NSF: variants seen among roughly 807,000 people sequenced by gnomAD.
NSF encodes the protein vesicle-fusing ATPase.
A neutral mutation model predicts 50.3 loss-of-function variants in NSF; 14 were observed. The observed-to-expected ratio is 0.28, with a 90% CI of 0.18 to 0.44. The LOEUF (loss-of-function observed/expected upper bound fraction) is 0.44, where lower values mean the gene tolerates loss of function less well. Among genes scored for constraint, NSF ranks in the 20% least tolerant of loss-of-function variants. The pLI, the probability that NSF is intolerant of heterozygous loss-of-function variation, is 1.00. For synonymous variants in NSF, 109 were observed against 175.7 expected, an observed-to-expected ratio of 0.62 and a Z score of 3.00; for missense variants, 218 against 504.3, an observed-to-expected ratio of 0.43 and a Z score of 5.44.
At chr17:46,708,749 C>T (rs2058683721) in intron 13 of NSF, among the ~76,000 whole-genome samples, 1 of 148,546 alleles carries the variant, frequency 6.7e-6, no homozygotes, top group African/African-American at 2.5e-5. Flanking sequence ...CTACCTCAGC[C>T]TCCCAGTGTG....
At chr17:46,655,949 A>G (rs1474261214) in intron 8 of NSF, among the ~76,000 whole-genome samples, 1 of 103,800 alleles carries the variant, frequency 9.6e-6, no homozygotes, top group Non-Finnish European at 1.8e-5. Context: ...AACTTATAAT[A>G]TTTTAGCAAC....
At chr17:46,708,820 A>ATT (rs1432167576) in intron 13 of NSF, among the ~76,000 whole-genome samples, 14 of 98,550 alleles carry the variant, frequency 1.4e-4, no homozygotes, top group African/African-American at 5.0e-4. Flanking sequence ...ATATATATAT[A>ATT]TATTTTTTTT....
intron 16 of NSF, among the ~76,000 whole-genome samples, chr17:46,728,471 T>G (rs1432350523): frequency 6.6e-6 from 1 of 151,944 alleles, no homozygotes; most frequent in Non-Finnish European, 1.5e-5. Flanking sequence ...TTCAAAAAAT[T>G]TATAGAGCCG....
chr17:46,709,711 T>C (rs2058699430), intron 13 of NSF, among the ~76,000 whole-genome samples: 1 of 152,044 alleles, frequency 6.6e-6, no homozygotes, highest in Admixed American at 6.5e-5. Flanking sequence ...GCCAGGTTGG[T>C]CTGGAACTCC....
chr17:46,712,469 C>T (rs1244805893), intron 14 of NSF, among the ~76,000 whole-genome samples: 2 of 151,972 alleles, frequency 1.3e-5, no homozygotes, highest in South Asian at 2.1e-4. Flanking sequence ...ATACATAGCC[C>T]GATAAATGGT....
At chr17:46,713,233 T>C (rs1568041001) in intron 14 of NSF, 2 of 152,270 alleles carry the variant, frequency 1.3e-5, no homozygotes, top group Admixed American at 6.5e-5. Context: ...GTCGAACATA[T>C]GGGAGAAAGG....
At chr17:46,712,575 A>G (rs145038728) in intron 14 of NSF, among the ~76,000 whole-genome samples, 19 of 152,362 alleles carry the variant, frequency 1.2e-4, no homozygotes, top group African/African-American at 2.2e-4. Flanking sequence ...AGGGTCATAT[A>G]GGAGAAGTAA....
intron 1 of NSF, among the ~76,000 whole-genome samples, chr17:46,619,770 T>TAAA (rs139171166): frequency 1.4e-4 from 3 of 20,872 alleles, no homozygotes; most frequent in African/African-American, 2.1e-4. Flanking sequence ...AGACTCCATC[T>TAAA]AAAAAAAAAA....
chr17:46,602,783 G>T (rs1443661206), intron 1 of NSF, among the ~76,000 whole-genome samples: 2 of 146,224 alleles, frequency 1.4e-5, no homozygotes, highest in Non-Finnish European at 3.0e-5. Flanking sequence ...GAATAATATT[G>T]ATATAATTTT....
Position 46,704,867 on chromosome 17 carries a change from A to G in NSF, c.1470+13A>G. 1 of 1,591,524 alleles carries G rather than the reference A, an allele frequency of 6.3e-7. No individual in the cohort carries two copies. Among genetic ancestry groups the G allele is most frequent in the Non-Finnish European group, 8.5e-7 (1 of 1,173,530 alleles). ...TGATATCAAACCAGTGAGTATGCCC[A>G]TTGAGTGATATATAGGCCAAAAAGT... On this transcript the variant is annotated intron_variant, in intron 13 of 20. Coordinates refer to ENST00000398238, the MANE Select transcript of NSF (RefSeq NM_006178.4).
rs560423019 is a variant in NSF, at chr17:46,722,029, C to T, written c.1762-4520C>T. On this transcript the variant is annotated intron_variant, in intron 15 of 20. Coordinates refer to ENST00000398238, the MANE Select transcript of NSF (RefSeq NM_006178.4). Reference sequence around the variant, plus strand: ...CACCAACTTCAGTTTCCTTGGCTGCCGTAATATTCAGCTCCCTGAGCTGAG... The same window carrying T: ...CACCAACTTCAGTTTCCTTGGCTGCTGTAATATTCAGCTCCCTGAGCTGAG... 145 of 1,608,562 alleles carry T rather than the reference C, an allele frequency of 9.0e-5. 1 individual carries two copies. In the African/African-American group the frequency reaches 1.1e-3, roughly 12 times the overall value.
At position 46,719,183 on chromosome 17, in the gene NSF, T is replaced by A. The variant is rs112341481; in HGVS notation, c.1761+5197T>A. On this transcript the variant is annotated intron_variant, in intron 15 of 20. Transcript: ENST00000398238. The surrounding 1 kb of genome is among the most constrained non-coding windows in gnomAD (Gnocchi z 4.3). ...AATGACTAAATGCTCAAATTTAAGATTTTTCAAAATGTTTTGCAATGACAA... is the reference window on the plus strand; with the variant it reads ...AATGACTAAATGCTCAAATTTAAGAATTTTCAAAATGTTTTGCAATGACAA... Among the ~76,000 whole-genome samples, 1 of 152,190 alleles carries A rather than the reference T, an allele frequency of 6.6e-6. No homozygotes were observed. The highest frequency in any genetic ancestry group is 6.5e-5 in the Admixed American group (1 of 15,274).
chr17:46,727,160 G>A (rs1382393456), intron 16 of NSF, among the ~76,000 whole-genome samples: 1 of 152,142 alleles, frequency 6.6e-6, no homozygotes. Flanking sequence ...AAAAAATTTT[G>A]TAAGTTAAAA....
chr17:46,601,954 C>T (rs1299835416), intron 1 of NSF, among the ~76,000 whole-genome samples: 4 of 145,528 alleles, frequency 2.7e-5, no homozygotes, highest in Non-Finnish European at 5.9e-5. Flanking sequence ...GAGGCTGAGG[C>T]GGGTGGATCA....
At chr17:46,725,217 G>C (rs2058875760) in intron 15 of NSF, among the ~76,000 whole-genome samples, 1 of 152,168 alleles carries the variant, frequency 6.6e-6, no homozygotes, top group South Asian at 2.1e-4. Flanking sequence ...TTCAACCATT[G>C]AACCTACAGA....
At chr17:46,638,821 A>G (rs1207379855) in intron 5 of NSF, among the ~76,000 whole-genome samples, 6 of 52,820 alleles carry the variant, frequency 1.1e-4, no homozygotes, top group Non-Finnish European at 1.5e-4. Flanking sequence ...TGAGGAATTT[A>G]AGATCTAAAG....
At chr17:46,704,731 C>G in intron 12 of NSF, 28 bp from the exon 13 acceptor site, 1 of 1,595,206 alleles carries the variant, frequency 6.3e-7, no homozygotes, top group South Asian at 1.1e-5. Context: ...CTTGGAAGTC[C>G]TTACATTTTG....
intron 15 of NSF, among the ~76,000 whole-genome samples, chr17:46,716,554 G>T (rs1033364818): frequency 1.2e-4 from 18 of 152,122 alleles, no homozygotes; most frequent in Admixed American, 4.6e-4. Flanking sequence ...ACCGCGCCCG[G>T]CCTGCACCTC....
intron 9 of NSF, among the ~76,000 whole-genome samples, chr17:46,691,918 A>G (rs1456577665): frequency 6.6e-6 from 1 of 151,098 alleles, no homozygotes; most frequent in African/African-American, 2.5e-5. Context: ...ACACCCAGCT[A>G]ATTTTTGTAT....
Sources: gnomAD v4.1 joint callset for allele counts (sites outside exome capture counted in the v4.1 genomes callset) on GRCh38, gnomAD v4.1.1 for gene constraint, Gnocchi (gnomAD v3.1) non-coding constraint, MANE v1.5 for transcripts, NCBI Gene and HGNC (gene_info 2026-07-23, HGNC 2026-07-21) for gene names.